Variants in PHF24 observed in about 807,000 individuals in gnomAD.
PHF24 encodes Galpha inhibitory interacting protein.
A neutral mutation model predicts 42.6 loss-of-function variants in PHF24; 25 were observed. The observed-to-expected ratio is 0.59, with a 90% CI of 0.43 to 0.82. The LOEUF is 0.82. Among genes scored for constraint, PHF24 ranks in the 40% least tolerant of loss-of-function variants. PHF24 has a pLI of 0.00. For missense variants in PHF24, 470 were observed against 538.1 expected (o/e 0.87, Z 1.25); for synonymous variants, 185 against 204.8 (o/e 0.90, Z 0.83).
At chr9:34,810,539 C>G in the PHF24 span, among the ~76,000 whole-genome samples, 1 of 152,158 alleles carries the variant, frequency 6.6e-6, no homozygotes, top group East Asian at 1.9e-4. Context: ...CTGCAGGAGC[C>G]TCGTGATGGT....
chr9:34,844,383 G>T, the PHF24 span, among the ~76,000 whole-genome samples: 2 of 152,016 alleles, frequency 1.3e-5, no homozygotes, highest in Middle Eastern at 3.4e-3. Context: ...GTAACATTAG[G>T]TTGCTTGAGA....
chr9:34,791,628 A>G, the PHF24 span, among the ~76,000 whole-genome samples: 4 of 151,988 alleles, frequency 2.6e-5, no homozygotes, highest in South Asian at 8.3e-4. Flanking sequence ...AGTCCTGGGC[A>G]CTCCAACATT....
chr9:34,906,074 G>C, the PHF24 span, among the ~76,000 whole-genome samples: 13 of 152,128 alleles, frequency 8.5e-5, no homozygotes, highest in Non-Finnish European at 1.3e-4. Context: ...GGAAGGATTA[G>C]AGGGGAGAAA....
At chr9:34,667,170 C>T in the PHF24 span, among the ~76,000 whole-genome samples, 7 of 152,224 alleles carry the variant, frequency 4.6e-5, no homozygotes, top group African/African-American at 7.2e-5. Flanking sequence ...AGGCCCAGTA[C>T]TGAGCTGTAG....
chr9:34,935,075 C>T, the PHF24 span, among the ~76,000 whole-genome samples: 1 of 152,118 alleles, frequency 6.6e-6, no homozygotes, highest in African/African-American at 2.4e-5. Context: ...ATGACACAGG[C>T]AGAAAACTAG....
chr9:34,815,928 A>C, the PHF24 span, among the ~76,000 whole-genome samples: 4 of 152,216 alleles, frequency 2.6e-5, no homozygotes, highest in Non-Finnish European at 5.9e-5. Context: ...TTGCTCCACT[A>C]TTTGATGAAC....
At chr9:34,810,805 G>A in the PHF24 span, among the ~76,000 whole-genome samples, 1 of 152,098 alleles carries the variant, frequency 6.6e-6, no homozygotes, top group South Asian at 2.1e-4. Context: ...TCTTCTCCAT[G>A]GTAGCCCAGT....
At chr9:34,828,505 G>C in the PHF24 span, among the ~76,000 whole-genome samples, 1 of 151,968 alleles carries the variant, frequency 6.6e-6, no homozygotes, top group African/African-American at 2.4e-5. Flanking sequence ...CACCTCTCTG[G>C]AACAAACCTC....
At chr9:34,697,595 C>T in the PHF24 span, among the ~76,000 whole-genome samples, 3 of 152,230 alleles carry the variant, frequency 2.0e-5, no homozygotes, top group Non-Finnish European at 2.9e-5. Context: ...ACTGGGATTA[C>T]AGGCCTGAGC....
At chr9:34,978,154 C>G (rs1201201084) in exon 8 of PHF24, 2 of 1,442,780 alleles carry the variant, frequency 1.4e-6, no homozygotes, top group East Asian at 2.3e-5. Flanking sequence ...GACATCCTCT[C>G]CCTCCTTTCC....
At chr9:34,977,936 C>G (rs1283367144) in intron 7 of PHF24, 79 bp from the exon 8 acceptor site, 1 of 1,142,678 alleles carries the variant, frequency 8.8e-7, no homozygotes, top group Non-Finnish European at 1.3e-6. Context: ...CCAGCCTCCT[C>G]AAGCCATGCT....
chr9:34,675,101 T>G, the PHF24 span, among the ~76,000 whole-genome samples: 85,553 of 151,646 alleles, frequency 0.56, 24,553 homozygotes, highest in East Asian at 0.8. Context: ...CAAGTGATCC[T>G]CCCGCCTTGG....
At chr9:34,895,624 C>G in the PHF24 span, 2 of 399,768 alleles carry the variant, frequency 5.0e-6, no homozygotes, top group African/African-American at 4.1e-5. Flanking sequence ...TTTGGCAGCT[C>G]TTTTTCACTT....
the PHF24 span, chr9:34,725,617 G>T: frequency 6.5e-7 from 1 of 1,527,662 alleles, no homozygotes; most frequent in Non-Finnish European, 8.9e-7. Context: ...GAGACCTCTG[G>T]AGGGCAGCTG....
chr9:34,689,876 A>G, the PHF24 span: 2 of 1,614,176 alleles, frequency 1.2e-6, no homozygotes, highest in African/African-American at 2.7e-5. This position sits in a 1 kb window ranked among gnomAD's most constrained non-coding sequence, Gnocchi z 4.1. Flanking sequence ...ATGGGCTGGA[A>G]TCTTAGACAG....
At chr9:34,816,419 C>T in the PHF24 span, among the ~76,000 whole-genome samples, 1 of 152,202 alleles carries the variant, frequency 6.6e-6, no homozygotes. Flanking sequence ...GGATCAGTGT[C>T]AGTCCATTTA....
chr9:34,835,544 T>C, the PHF24 span: 16 of 1,551,706 alleles, frequency 1.0e-5, no homozygotes, highest in Non-Finnish European at 1.4e-5. Context: ...GAAATTCAAG[T>C]GATGCTGGCC....
the PHF24 span, among the ~76,000 whole-genome samples, chr9:34,900,463 G>A: frequency 6.6e-6 from 1 of 152,168 alleles, no homozygotes; most frequent in Non-Finnish European, 1.5e-5. Flanking sequence ...GCCGGACATG[G>A]TGGTGTGCAC....
At chr9:34,837,753 T>TTTTG in the PHF24 span, 3 of 1,169,570 alleles carry the variant, frequency 2.6e-6, no homozygotes, top group Non-Finnish European at 3.8e-6. Context: ...TTCTTTCTCA[T>TTTTG]GTCCAAAATG....
Sources: gnomAD v4.1 joint callset for allele counts (sites outside exome capture counted in the v4.1 genomes callset) on GRCh38, gnomAD v4.1.1 for gene constraint, Gnocchi (gnomAD v3.1) non-coding constraint, MANE v1.5 for transcripts, NCBI Gene and HGNC (gene_info 2026-07-23, HGNC 2026-07-21) for gene names.